PGBD4: variants seen among roughly 807,000 people sequenced by gnomAD.
PGBD4 encodes the protein piggyBac transposable element-derived protein 4.
A neutral mutation model predicts 0.3 loss-of-function variants in PGBD4; 1 was observed. That is an observed-to-expected ratio of 3.72 (90% CI 1.32 to 17.64). The LOEUF is 17.64. Among genes scored for constraint, PGBD4 ranks in the 30% most tolerant of loss-of-function variants. The pLI is 0.11. For missense variants in PGBD4, 624 were observed against 719.7 expected (o/e 0.87, Z 1.52); for synonymous variants, 253 against 267.7 (o/e 0.95, Z 0.54).
rs536136648 is a variant in PGBD4 at position 34,103,188 on chromosome 15, C to T, written c.657C>T (p.Ala219=). 8 of 1,613,774 alleles carry T rather than the reference C, an allele frequency of 5.0e-6. No homozygotes were observed. Among genetic ancestry groups the T allele is most frequent in the Non-Finnish European group, 6.8e-6 (8 of 1,180,016 alleles). The change falls in exon 1 of 1, where the codon GCC becomes GCT. Residue 219 remains alanine (A), a synonymous_variant. Coordinates refer to ENST00000397766, the MANE Select transcript of PGBD4 (RefSeq NM_152595.5). This position sits in a 1 kb window ranked among gnomAD's most constrained non-coding sequence, Gnocchi z 4.6. ...NSSISAGQSK[A]QISLQKIKPV... ...CTATATCTGCTGGTCAATCAAAGGCCCAGATTTCATTGCAGAAGATCAAAC... is the reference window on the plus strand; with the variant it reads ...CTATATCTGCTGGTCAATCAAAGGCTCAGATTTCATTGCAGAAGATCAAAC...
chr15:34,104,370 A>G lies in PGBD4; in HGVS notation c.*81A>G, dbSNP rs1354974122. 2 of 1,444,008 alleles carry G rather than the reference A, an allele frequency of 1.4e-6. No homozygotes were observed. The highest frequency in any genetic ancestry group is 1.9e-6 in the Non-Finnish European group (2 of 1,072,750). 89.4% of individuals were successfully genotyped at this position (1,444,008 alleles called of 1,614,324 possible). A position where few individuals can be genotyped will look rare whatever the true frequency, so the allele number is the denominator to read the frequency against. On this transcript the variant is annotated 3_prime_UTR_variant, in exon 1 of 1. Transcript: ENST00000397766. ...AAATAACTCCAAGATTGGGAGGCCGACCTGGGTGGATCACCTGAGATCAGG... is the reference window on the plus strand; with the variant it reads ...AAATAACTCCAAGATTGGGAGGCCGGCCTGGGTGGATCACCTGAGATCAGG...
Position 34,102,359 on chromosome 15 carries a change from A to G in PGBD4, c.-173A>G. 1.0e-6 allele frequency: 1 copy of G among 990,534 alleles called. No individual in the cohort carries two copies. The highest frequency in any genetic ancestry group is 1.4e-6 in the Non-Finnish European group (1 of 710,468). 61.4% of individuals were successfully genotyped at this position (990,534 alleles called of 1,614,324 possible). ...GCGTTTACGCCGAGATAACTCGTGG[A>G]TTACAGTGCCAACCTTACTCCCAAA... On this transcript the variant is annotated 5_prime_UTR_variant, in exon 1 of 1. Transcript: ENST00000397766. This position sits in a 1 kb window ranked among gnomAD's most constrained non-coding sequence, Gnocchi z 4.7.
Position 34,107,069 on chromosome 15 carries a change from A to G in PGBD4, c.*2780A>G, listed in dbSNP as rs887081926. On this transcript the variant is annotated 3_prime_UTR_variant, in exon 1 of 1. Transcript: ENST00000397766. The stretch of plus-strand genomic sequence containing the variant: ...GAAAAAAGGGGCAAAATATATATTT[A>G]TTTAACTTATATACAAATAACATTC... 6.6e-6 allele frequency: 1 copy of G among 150,678 alleles called. No individual in the cohort carries two copies. The highest frequency in any genetic ancestry group is 1.5e-5 in the Non-Finnish European group (1 of 67,748). The allele number at this position is 150,678 out of a possible 1,614,324, so 9.3% of individuals were successfully genotyped here.
chr15:34,103,843 C>T lies in PGBD4; in HGVS notation c.1312C>T (p.Leu438Phe), dbSNP rs1202456932. ...MGAVDSADQMLTSYPSERKRH... is the reference protein window; with the variant it reads ...MGAVDSADQMFTSYPSERKRH... ...AGCAGTGGACTCGGCTGATCAAATG[C>T]TTACTTCTTATCCATCTGAGCGCAA... The change falls in exon 1 of 1, where the codon CTT becomes TTT. Residue 438 changes from leucine (L) to phenylalanine (F), a missense_variant. Coordinates refer to ENST00000397766, the MANE Select transcript of PGBD4 (RefSeq NM_152595.5). This position sits in a 1 kb window ranked among gnomAD's most constrained non-coding sequence, Gnocchi z 4.6. The T allele has an allele frequency of 6.2e-7, 1 of 1,614,084 alleles. No homozygotes were observed. The highest frequency in any genetic ancestry group is 8.5e-7 in the Non-Finnish European group (1 of 1,180,034).
Position 34,103,819 on chromosome 15 carries a change from G to A in PGBD4, c.1288G>A (p.Ala430Thr), listed in dbSNP as rs770298188. 5 of 1,614,150 alleles carry A rather than the reference G, an allele frequency of 3.1e-6. No individual in the cohort carries two copies. The Admixed American group carries it at 5.0e-5, about 16-fold the overall frequency. Residue 430 changes from alanine to threonine, a missense_variant, in exon 1 of 1, where the codon GCA becomes ACA. By Grantham distance (58) the Ala-to-Thr change is moderately conservative (BLOSUM62 0). Coordinates refer to ENST00000397766, the MANE Select transcript of PGBD4 (RefSeq NM_152595.5). The surrounding 1 kb of genome is among the most constrained non-coding windows in gnomAD (Gnocchi z 4.6). ...TGTGGATTATAACGAGAATATGGGA[G>A]CAGTGGACTCGGCTGATCAAATGCT... ...VIVDYNENMGAVDSADQMLTS... is the reference protein window; with the variant it reads ...VIVDYNENMGTVDSADQMLTS...
Position 34,104,500 on chromosome 15 carries a change from G to A in PGBD4, c.*211G>A, listed in dbSNP as rs1303850025. 1 of 586,240 alleles carries A rather than the reference G, an allele frequency of 1.7e-6. No homozygotes were observed. The highest frequency in any genetic ancestry group is 3.4e-5 in the Admixed American group (1 of 29,642). The allele number at this position is 586,240 out of a possible 1,614,324, so 36.3% of individuals were successfully genotyped here. A position where few individuals can be genotyped will look rare whatever the true frequency, so the allele number is the denominator to read the frequency against. The stretch of plus-strand genomic sequence containing the variant: ...TGCCTGTAATCCAAGCTACTTGGGA[G>A]GCTGAGGCAGGAGAATTGCTTGAAC... On this transcript the variant is annotated 3_prime_UTR_variant, in exon 1 of 1. Coordinates refer to ENST00000397766, the MANE Select transcript of PGBD4 (RefSeq NM_152595.5).
rs199891832 is a variant in PGBD4, at chr15:34,103,030, A to G, written c.499A>G (p.Ile167Val). The change falls in exon 1 of 1, where the codon ATT becomes GTT. Residue 167 changes from isoleucine to valine, a missense_variant. Ile to Val is a conservative substitution (Grantham distance 29, BLOSUM62 3). Coordinates refer to ENST00000397766, the MANE Select transcript of PGBD4 (RefSeq NM_152595.5). The surrounding 1 kb of genome is among the most constrained non-coding windows in gnomAD (Gnocchi z 4.6). ...VFFAVMLLQG[I>V]VQKPELEMFW... ...TTTTGCAGTAATGTTACTGCAAGGT[A>G]TTGTGCAGAAACCTGAGCTGGAGAT... 5.1e-5 allele frequency: 82 copies of G among 1,614,078 alleles called. No individual in the cohort carries two copies. The East Asian group carries it at 1.7e-3, about 33-fold the overall frequency.
rs1416780997 is a variant in PGBD4 at position 34,102,443 on chromosome 15, T to G, written c.-89T>G. 14 of 1,434,438 alleles carry G rather than the reference T, an allele frequency of 9.8e-6. No homozygotes were observed. The highest frequency in any genetic ancestry group is 1.3e-5 in the Non-Finnish European group (14 of 1,098,870). 88.9% of individuals were successfully genotyped at this position (1,434,438 alleles called of 1,614,324 possible). A position where few individuals can be genotyped will look rare whatever the true frequency, so the allele number is the denominator to read the frequency against. ...CGCATGGTTCTGGTATATTGACTTTTGAAACAAAAGACATCATTCTGTTTA... is the reference window on the plus strand; with the variant it reads ...CGCATGGTTCTGGTATATTGACTTTGGAAACAAAAGACATCATTCTGTTTA... On this transcript the variant is annotated 5_prime_UTR_variant, in exon 1 of 1. Transcript: ENST00000397766. This position sits in a 1 kb window ranked among gnomAD's most constrained non-coding sequence, Gnocchi z 4.7.
rs900768103 is a variant in PGBD4, at chr15:34,107,199, C to T, written c.*2910C>T. The T allele has an allele frequency of 2.0e-5, 3 of 151,520 alleles. No individual in the cohort carries two copies. Among genetic ancestry groups the T allele is most frequent in the African/African-American group, 7.3e-5 (3 of 41,234 alleles). 9.4% of individuals were successfully genotyped at this position (151,520 alleles called of 1,614,324 possible). On this transcript the variant is annotated 3_prime_UTR_variant, in exon 1 of 1. Transcript: ENST00000397766. ...GTGTACTGTTTTACATACATATTTC[C>T]AAAGTATACTATAAATGCACTTCCG...
In PGBD4 at chr15:34,104,144, C is replaced by T. The variant is rs1901234636; in HGVS notation, c.1613C>T (p.Thr538Ile). Residue 538 changes from threonine to isoleucine, a missense_variant, in exon 1 of 1, where the codon ACT becomes ATT. Coordinates refer to ENST00000397766, the MANE Select transcript of PGBD4 (RefSeq NM_152595.5). ...IPATSGKQNP[T>I]GRCKICCSQY... ...GCAACGTCCGGGAAACAGAATCCAACTGGTCGCTGCAAAATTTGCTGCTCC... is the reference window on the plus strand; with the variant it reads ...GCAACGTCCGGGAAACAGAATCCAATTGGTCGCTGCAAAATTTGCTGCTCC... The T allele has an allele frequency of 6.2e-7, 1 of 1,614,220 alleles. No individual in the cohort carries two copies. The highest frequency in any genetic ancestry group is 2.2e-5 in the East Asian group (1 of 44,888).
Position 34,103,632 on chromosome 15 carries a change from A to G in PGBD4, c.1101A>G (p.Lys367=). The part of the protein sequence containing the change: ...NRKQIPNDLK[K]RIAKGTTVAR... The stretch of plus-strand genomic sequence containing the variant: ...AACAGATTCCAAATGATCTGAAAAA[A>G]AGGATTGCAAAGGGGACGACTGTAG... The change falls in exon 1 of 1, where the codon AAA becomes AAG. Residue 367 remains lysine, a synonymous_variant. Transcript: ENST00000397766. This position sits in a 1 kb window ranked among gnomAD's most constrained non-coding sequence, Gnocchi z 4.6. 6.2e-7 allele frequency: 1 copy of G among 1,614,214 alleles called. No individual in the cohort carries two copies. Among genetic ancestry groups the G allele is most frequent in the Non-Finnish European group, 8.5e-7 (1 of 1,180,044 alleles).
chr15:34,102,781 C>G lies in PGBD4; in HGVS notation c.250C>G (p.Gln84Glu), dbSNP rs779317023. The G allele has an allele frequency of 1.2e-5, 20 of 1,614,042 alleles. No individual in the cohort carries two copies. The highest frequency in any genetic ancestry group is 1.5e-5 in the Non-Finnish European group (18 of 1,180,038). The stretch of plus-strand genomic sequence containing the variant: ...GTCAGCTCGTGCTATGATTCCACGT[C>G]AAAGGTATGACTTTACCGGCACACC... ...KWSARAMIPR[Q>E]RYDFTGTPGR... The change falls in exon 1 of 1, where the codon CAA becomes GAA. Residue 84 changes from glutamine to glutamate, a missense_variant. Transcript: ENST00000397766. The surrounding 1 kb of genome is among the most constrained non-coding windows in gnomAD (Gnocchi z 4.7).
At position 34,102,568 on chromosome 15, in the gene PGBD4, G is replaced by A. The variant is rs1464334621; in HGVS notation, c.37G>A (p.Asp13Asn). ...TAGAAAACGTAGCATTCCTATGCGT[G>A]ATAGTAATACCGGTCTCGAACAGTT... ...NPRKRSIPMR[D>N]SNTGLEQLLA... The change falls in exon 1 of 1, where the codon GAT becomes AAT. Residue 13 changes from aspartate to asparagine, a missense_variant. Physicochemically the swap from Asp to Asn is conservative, Grantham distance 23. Transcript: ENST00000397766. This position sits in a 1 kb window ranked among gnomAD's most constrained non-coding sequence, Gnocchi z 4.7. 4 of 1,582,524 alleles carry A rather than the reference G, an allele frequency of 2.5e-6. No individual in the cohort carries two copies. The highest frequency in any genetic ancestry group is 3.4e-6 in the Non-Finnish European group (4 of 1,162,730).
rs1901195897 is a variant in PGBD4, at chr15:34,102,483, T to C, written c.-49T>C. The C allele has an allele frequency of 2.0e-6, 3 of 1,464,494 alleles. No individual in the cohort carries two copies. In the East Asian group the frequency reaches 7.4e-5, roughly 36 times the overall value. The allele number at this position is 1,464,494 out of a possible 1,614,324, so 90.7% of individuals were successfully genotyped here. A position where few individuals can be genotyped will look rare whatever the true frequency, so the allele number is the denominator to read the frequency against. ...CATTCTGTTTATAGCATTCTGTTTT[T>C]AGTAGTGGGATTTCCATCTACAAAA... On this transcript the variant is annotated 5_prime_UTR_variant, in exon 1 of 1. An upstream open reading frame in the 5' UTR loses its in-frame stop. Transcript: ENST00000397766. The surrounding 1 kb of genome is among the most constrained non-coding windows in gnomAD (Gnocchi z 4.7).
chr15:34,104,150 G>T lies in PGBD4; in HGVS notation c.1619G>T (p.Arg540Leu), dbSNP rs768331620. 12 of 1,614,030 alleles carry T rather than the reference G, an allele frequency of 7.4e-6. No individual in the cohort carries two copies. Among genetic ancestry groups the T allele is most frequent in the Non-Finnish European group, 9.3e-6 (11 of 1,180,048 alleles). The change falls in exon 1 of 1, where the codon CGC becomes CTC. Residue 540 changes from arginine (R) to leucine (L), a missense_variant. Physicochemically the swap from Arg to Leu is moderately radical, Grantham distance 102. Coordinates refer to ENST00000397766, the MANE Select transcript of PGBD4 (RefSeq NM_152595.5). The part of the protein sequence containing the change: ...ATSGKQNPTG[R>L]CKICCSQYDK... Reference sequence around the variant, plus strand: ...TCCGGGAAACAGAATCCAACTGGTCGCTGCAAAATTTGCTGCTCCCAATAC... The same window carrying T: ...TCCGGGAAACAGAATCCAACTGGTCTCTGCAAAATTTGCTGCTCCCAATAC...
rs1302907045 is a variant in PGBD4, at chr15:34,104,236, C to G, written c.1705C>G (p.Pro569Ala). 2 of 1,614,166 alleles carry G rather than the reference C, an allele frequency of 1.2e-6. No individual in the cohort carries two copies. Among genetic ancestry groups the G allele is most frequent in the Non-Finnish European group, 1.7e-6 (2 of 1,180,038 alleles). The change falls in exon 1 of 1, where the codon CCG becomes GCG. Residue 569 changes from proline to alanine, a missense_variant. By Grantham distance (27) the Pro-to-Ala change is conservative (BLOSUM62 -1). Transcript: ENST00000397766. ...CTATTTTTGTGCCGAATGTGATGTTCCGCTTTGTGTTGTTCCGTGCTTTGA... is the reference window on the plus strand; with the variant it reads ...CTATTTTTGTGCCGAATGTGATGTTGCGCTTTGTGTTGTTCCGTGCTTTGA... ...TRYFCAECDV[P>A]LCVVPCFEIY...
In PGBD4 at chr15:34,105,665, AACACAC is replaced by A. The variant is rs56834847; in HGVS notation, c.*1393_*1398del. The A allele has an allele frequency of 0.035, 5,650 of 163,628 alleles. 159 individuals carry two copies. The highest frequency in any genetic ancestry group is 0.073 in the African/African-American group (3,010 of 41,144). The allele number at this position is 163,628 out of a possible 1,614,324, so 10.1% of individuals were successfully genotyped here. A position where few individuals can be genotyped will look rare whatever the true frequency, so the allele number is the denominator to read the frequency against. On this transcript the variant is annotated 3_prime_UTR_variant, in exon 1 of 1. Coordinates refer to ENST00000397766, the MANE Select transcript of PGBD4 (RefSeq NM_152595.5). The stretch of plus-strand genomic sequence containing the variant: ...ATCGGAAGGAGCAGCATTGCTCAGA[AACACAC>A]ACACACACACACACACTTGACTTTC...
Position 34,102,649 on chromosome 15 carries a change from A to C in PGBD4, c.118A>C (p.Asn40His). Residue 40 changes from asparagine (N) to histidine (H), a missense_variant, in exon 1 of 1, where the codon AAT (asparagine) becomes CAT (histidine). By Grantham distance (68) the Asn-to-His change is moderately conservative (BLOSUM62 1). Coordinates refer to ENST00000397766, the MANE Select transcript of PGBD4 (RefSeq NM_152595.5). This position sits in a 1 kb window ranked among gnomAD's most constrained non-coding sequence, Gnocchi z 4.7. ...SDFSEIDDSDNFSDSALEADK... is the reference protein window; with the variant it reads ...SDFSEIDDSDHFSDSALEADK... ...TTTTTCGGAAATAGATGATTCTGAT[A>C]ATTTTTCGGATAGTGCTTTAGAAGC... is the stretch of plus-strand genomic sequence containing the variant. The C allele has an allele frequency of 6.2e-7, 1 of 1,614,142 alleles. No individual in the cohort carries two copies. The highest frequency in any genetic ancestry group is 2.2e-5 in the East Asian group (1 of 44,882).
chr15:34,102,941 G>A lies in PGBD4; in HGVS notation c.410G>A (p.Gly137Asp). Residue 137 changes from glycine to aspartate, a missense_variant, in exon 1 of 1, where the codon GGT becomes GAT. Transcript: ENST00000397766. The surrounding 1 kb of genome is among the most constrained non-coding windows in gnomAD (Gnocchi z 4.7). ...GCCTTGTTGGCTTCAAAGCCACCGG[G>A]TCCGAAAGGATTTTCGCGAATGGAT... Reference protein sequence around the residue: ...QAALLASKPPGPKGFSRMDKW... With the variant: ...QAALLASKPPDPKGFSRMDKW... 1 of 1,614,012 alleles carries A rather than the reference G, an allele frequency of 6.2e-7. No individual in the cohort carries two copies. Among genetic ancestry groups the A allele is most frequent in the South Asian group, 1.1e-5 (1 of 91,032 alleles).
Sources: allele counts gnomAD v4.1 joint callset, GRCh38; gene constraint gnomAD v4.1.1; non-coding constraint Gnocchi (gnomAD v3.1); transcripts MANE v1.5; gene names NCBI Gene and HGNC (gene_info 2026-07-23, HGNC 2026-07-21).